Variants in BMP5 observed in about 807,000 individuals in gnomAD.
BMP5 encodes bone morphogenetic protein 5.
Under a neutral mutation model 46.6 loss-of-function variants are expected in BMP5, and 23 were observed. The observed-to-expected ratio is 0.49, with a 90% CI of 0.35 to 0.70. The LOEUF is 0.70. Among genes scored for constraint, BMP5 ranks in the 30% least tolerant of loss-of-function variants. The pLI, the probability that BMP5 is intolerant of heterozygous loss-of-function variation, is 0.00. For synonymous variants in BMP5, 204 were observed against 191.9 expected (o/e 1.06, Z -0.52); for missense variants, 545 against 565.6 (o/e 0.96, Z 0.37).
intron 2 of BMP5, among the ~76,000 whole-genome samples, chr6:55,818,943 TAGACAGACAGAC>T (rs559321111): frequency 1.3e-5 from 2 of 150,892 alleles, no homozygotes; most frequent in African/African-American, 2.5e-5. Flanking sequence ...GATAGATAGA[TAGACAGACAGAC>T]AGACAGACAG....
intron 6 of BMP5, among the ~76,000 whole-genome samples, chr6:55,756,906 T>C (rs1774620448): frequency 6.6e-6 from 1 of 151,910 alleles, no homozygotes; most frequent in African/African-American, 2.4e-5. Context: ...GGTTTCTCAA[T>C]ATATTAGTCA....
intron 1 of BMP5, among the ~76,000 whole-genome samples, chr6:55,844,828 T>G (rs975431942): frequency 6.6e-6 from 1 of 151,934 alleles, no homozygotes; most frequent in African/African-American, 2.4e-5. Context: ...AGAAAAAAAG[T>G]AATAATGTTG....
At chr6:55,829,351 T>A (rs952300449) in intron 1 of BMP5, among the ~76,000 whole-genome samples, 14 of 151,942 alleles carry the variant, frequency 9.2e-5, no homozygotes, top group Middle Eastern at 3.4e-3. Context: ...TTTCTTGTTT[T>A]TTTTCAGATT....
At chr6:55,815,267 T>C (rs1776230954) in intron 2 of BMP5, among the ~76,000 whole-genome samples, 1 of 151,984 alleles carries the variant, frequency 6.6e-6, no homozygotes, top group Non-Finnish European at 1.5e-5. Context: ...ATAAATATAC[T>C]ATAACCCTAG....
chr6:55,844,008 G>T (rs1042808188), intron 1 of BMP5, among the ~76,000 whole-genome samples: 22 of 151,946 alleles, frequency 1.4e-4, no homozygotes. Flanking sequence ...ATACACTAAA[G>T]GTGAATGATC....
intron 3 of BMP5, among the ~76,000 whole-genome samples, chr6:55,788,593 T>A (rs1775503007): frequency 6.6e-6 from 1 of 151,822 alleles, no homozygotes; most frequent in South Asian, 2.1e-4. Context: ...GAAAAGTCTG[T>A]GCAATCTCTA....
At chr6:55,838,517 G>A (rs1038749408) in intron 1 of BMP5, among the ~76,000 whole-genome samples, 1 of 151,892 alleles carries the variant, frequency 6.6e-6, no homozygotes, top group Admixed American at 6.6e-5. Context: ...AGAGTTGTTT[G>A]AGCTCCTTAT....
chr6:55,774,268 G>C, intron 3 of BMP5, 25 bp from the exon 4 acceptor site: 1 of 1,605,308 alleles, frequency 6.2e-7, no homozygotes, highest in Non-Finnish European at 8.5e-7. Context: ...AAAAGCACTT[G>C]GTTTATGAAA....
At position 55,764,632 on chromosome 6, in the gene BMP5, G is replaced by C. The variant is rs116574183; in HGVS notation, c.1028-4099C>G. On this transcript the variant is annotated intron_variant, in intron 4 of 6. Transcript: ENST00000370830. Reference sequence around the variant, plus strand: ...AAGAAAAAAAAGTCAATTAGAGCAAGATGGATGAAACAACTGGAAGATGTC... The same window carrying C: ...AAGAAAAAAAAGTCAATTAGAGCAACATGGATGAAACAACTGGAAGATGTC... Among the ~76,000 whole-genome samples, 633 of 149,998 alleles carry C rather than the reference G, an allele frequency of 4.2e-3. 4 individuals carry two copies. Among genetic ancestry groups the C allele is most frequent in the Middle Eastern group, 0.011 (3 of 284 alleles).
chr6:55,813,524 TCACACCTGTAATCCCAG>T (rs1336869306), intron 2 of BMP5, among the ~76,000 whole-genome samples: 1 of 151,032 alleles, frequency 6.6e-6, no homozygotes, highest in Non-Finnish European at 1.5e-5. Flanking sequence ...GCGCGGTGGC[TCACACCTGTAATCCCAG>T]CACTTTTGGG....
At chr6:55,769,084 G>A in intron 4 of BMP5, among the ~76,000 whole-genome samples, 1 of 151,934 alleles carries the variant, frequency 6.6e-6, no homozygotes, top group African/African-American at 2.4e-5. Flanking sequence ...GTTGATACCT[G>A]CTGACTGATC....
At chr6:55,817,482 C>T (rs1776302896) in intron 2 of BMP5, among the ~76,000 whole-genome samples, 1 of 152,050 alleles carries the variant, frequency 6.6e-6, no homozygotes, top group African/African-American at 2.4e-5. Flanking sequence ...CCATCATTCC[C>T]AGCAAACTAT....
intron 1 of BMP5, among the ~76,000 whole-genome samples, chr6:55,824,047 A>T (rs919537339): frequency 6.6e-6 from 1 of 151,912 alleles, no homozygotes; most frequent in African/African-American, 2.4e-5. Context: ...CCAACCTTTT[A>T]TTTACCAGAG....
At chr6:55,772,155 A>G (rs1402954495) in intron 4 of BMP5, among the ~76,000 whole-genome samples, 5 of 151,990 alleles carry the variant, frequency 3.3e-5, no homozygotes, top group African/African-American at 1.2e-4. Flanking sequence ...TTTCAAAAAG[A>G]AAATATTGGT....
chr6:55,812,402 T>C (rs73744908), intron 2 of BMP5, among the ~76,000 whole-genome samples: 2,021 of 152,292 alleles, frequency 0.013, 50 homozygotes, highest in African/African-American at 0.046. Flanking sequence ...GGATCTACCA[T>C]ATTTTAAATT....
At chr6:55,781,244 C>G (rs1015547743) in intron 3 of BMP5, among the ~76,000 whole-genome samples, 6 of 152,148 alleles carry the variant, frequency 3.9e-5, no homozygotes, top group Admixed American at 3.9e-4. Flanking sequence ...ATCATGAGAA[C>G]AGTGAATTAT....
chr6:55,786,267 G>C (rs956588511), intron 3 of BMP5, among the ~76,000 whole-genome samples: 1 of 151,648 alleles, frequency 6.6e-6, no homozygotes, highest in African/African-American at 2.4e-5. Flanking sequence ...AATGCTTAAA[G>C]TATAAATATA....
At position 55,865,266 on chromosome 6, in the gene BMP5, T is replaced by G. The variant is rs1400693224; in HGVS notation, c.490+9110A>C. ...CAAAGGGTTCTTTATAGACTGTCCA[T>G]GTCTTTACAATCAAATATCTTCTAA... On this transcript the variant is annotated intron_variant, in intron 1 of 6. Transcript: ENST00000370830. 1.2e-5 allele frequency: 4 copies of G among 332,554 alleles called. No individual in the cohort carries two copies. In the Admixed American group the frequency reaches 1.7e-4, roughly 14 times the overall value. 20.6% of individuals were successfully genotyped at this position (332,554 alleles called of 1,614,324 possible). A position where few individuals can be genotyped will look rare whatever the true frequency, so the allele number is the denominator to read the frequency against.
chr6:55,828,969 T>C (rs1251901185), intron 1 of BMP5, among the ~76,000 whole-genome samples: 2 of 151,798 alleles, frequency 1.3e-5, no homozygotes, highest in Non-Finnish European at 2.9e-5. Flanking sequence ...TCAGTGAAGT[T>C]TGGTACATGG....
Sources: allele counts gnomAD v4.1 joint callset (sites outside exome capture counted in the v4.1 genomes callset), GRCh38; gene constraint gnomAD v4.1.1; transcripts MANE v1.5; gene names NCBI Gene and HGNC (gene_info 2026-07-23, HGNC 2026-07-21).